Variants in PTPRD observed in about 807,000 individuals in gnomAD.
PTPRD encodes receptor-type tyrosine-protein phosphatase delta.
Under a neutral mutation model 214.5 loss-of-function variants are expected in PTPRD, and 34 were observed. The observed-to-expected ratio is 0.16, with a 90% CI of 0.12 to 0.21. PTPRD has a LOEUF of 0.21. Among genes scored for constraint, PTPRD ranks in the 10% least tolerant of loss-of-function variants. PTPRD has a pLI of 1.00. For synonymous variants in PTPRD, 1,128 were observed against 845.7 expected, an observed-to-expected ratio of 1.33 and a Z score of -5.79; for missense variants, 2,545 against 2,398.7, an observed-to-expected ratio of 1.06 and a Z score of -1.27.
chr9:8,798,486 A>G (rs1203590389), intron 11 of PTPRD, among the ~76,000 whole-genome samples: 1 of 152,228 alleles, frequency 6.6e-6, no homozygotes. Flanking sequence ...TACTCACAGG[A>G]AAAAGATTAT....
At chr9:10,395,168 T>C (rs1287854733) in intron 2 of PTPRD, among the ~76,000 whole-genome samples, 3 of 151,602 alleles carry the variant, frequency 2.0e-5, no homozygotes, top group Admixed American at 6.6e-5. Context: ...TGTTAACACA[T>C]GTATACATGT....
chr9:9,462,465 T>A (rs1484680870), intron 8 of PTPRD, among the ~76,000 whole-genome samples: 2 of 152,198 alleles, frequency 1.3e-5, no homozygotes, highest in African/African-American at 4.8e-5. Context: ...ATGTTTAACA[T>A]ATTGAATATG....
At chr9:8,686,997 A>G (rs1354926778) in intron 12 of PTPRD, among the ~76,000 whole-genome samples, 1 of 152,236 alleles carries the variant, frequency 6.6e-6, no homozygotes, top group Non-Finnish European at 1.5e-5. Context: ...GAGCCTGTGT[A>G]ACATTGCTTT....
At chr9:9,790,256 A>C (rs1461963635) in intron 5 of PTPRD, among the ~76,000 whole-genome samples, 4 of 152,124 alleles carry the variant, frequency 2.6e-5, no homozygotes, top group Admixed American at 1.3e-4. Flanking sequence ...ATTTTTCTTA[A>C]ATGAGAAAAA....
chr9:8,465,543 C>T lies in PTPRD; in HGVS notation c.3637G>A (p.Gly1213Arg). The change falls in exon 32 of 46, where the codon GGA (glycine) becomes AGA (arginine). Residue 1213 changes from glycine to arginine, a missense_variant. By Grantham distance (125) the Gly-to-Arg change is moderately radical. Transcript: ENST00000381196. ...CTTTGGAGTTGCTTGTTTGTAAATC[C>T]ACCATAATGCTTGTCATCCCCCAGG... Reference protein sequence around the residue: ...FTLGDDKHYGGFTNKQLQSGQ... With the variant: ...FTLGDDKHYGRFTNKQLQSGQ... The T allele has an allele frequency of 6.2e-7, 1 of 1,612,534 alleles. No individual in the cohort carries two copies.
intron 8 of PTPRD, among the ~76,000 whole-genome samples, chr9:9,539,641 T>C (rs917516009): frequency 2.0e-5 from 3 of 151,846 alleles, no homozygotes; most frequent in African/African-American, 7.2e-5. Flanking sequence ...TTAAAAGTGA[T>C]GGATAAAATA....
chr9:9,646,272 A>C (rs1337851068), intron 7 of PTPRD, among the ~76,000 whole-genome samples: 4 of 151,326 alleles, frequency 2.6e-5, no homozygotes, highest in Non-Finnish European at 1.5e-5. Context: ...TTGTTAGTCT[A>C]TAGAATTGTA....
At chr9:9,822,702 G>A (rs764363067) in intron 5 of PTPRD, among the ~76,000 whole-genome samples, 12 of 151,586 alleles carry the variant, frequency 7.9e-5, no homozygotes, top group Middle Eastern at 3.4e-3. Flanking sequence ...CAACCTACAC[G>A]TACTACAGAT....
At chr9:8,845,953 T>A (rs2097686950) in intron 11 of PTPRD, among the ~76,000 whole-genome samples, 1 of 152,306 alleles carries the variant, frequency 6.6e-6, no homozygotes, top group Middle Eastern at 3.4e-3. Flanking sequence ...TGAGGCCCCT[T>A]AAAACGAAAA....
chr9:10,271,534 C>CTTTTTTT (rs1251429330), intron 3 of PTPRD, among the ~76,000 whole-genome samples: 1 of 86,570 alleles, frequency 1.2e-5, no homozygotes, highest in African/African-American at 3.1e-5. Flanking sequence ...TCAATTGTTT[C>CTTTTTTT]TTTTCTTTTC....
chr9:9,704,961 T>A, intron 7 of PTPRD, among the ~76,000 whole-genome samples: 1 of 152,226 alleles, frequency 6.6e-6, no homozygotes. Flanking sequence ...GTAAAATGAC[T>A]GTTTTAAGCC....
At chr9:9,319,487 T>C (rs542769420) in intron 9 of PTPRD, among the ~76,000 whole-genome samples, 2 of 152,314 alleles carry the variant, frequency 1.3e-5, no homozygotes, top group South Asian at 4.1e-4. Flanking sequence ...TGACACAGCA[T>C]TTGTTAGTTT....
chr9:8,974,884 G>A (rs13300674), intron 11 of PTPRD, among the ~76,000 whole-genome samples: 50,334 of 151,560 alleles, frequency 0.33, 9,515 homozygotes, highest in East Asian at 0.76. Context: ...ATCACCTGAA[G>A]TCAGGAGTTC....
At chr9:10,001,047 G>T (rs2096296903) in intron 4 of PTPRD, among the ~76,000 whole-genome samples, 1 of 152,070 alleles carries the variant, frequency 6.6e-6, no homozygotes, top group East Asian at 1.9e-4. Context: ...TGGGAACCCC[G>T]CTCCCTCTAT....
At chr9:9,299,274 A>C (rs559852645) in intron 9 of PTPRD, among the ~76,000 whole-genome samples, 2 of 151,914 alleles carry the variant, frequency 1.3e-5, no homozygotes, top group Admixed American at 6.6e-5. Flanking sequence ...GATTTACAGC[A>C]GTGGTTATCA....
At chr9:9,069,038 C>CACTT (rs1439202634) in intron 10 of PTPRD, among the ~76,000 whole-genome samples, 2 of 152,062 alleles carry the variant, frequency 1.3e-5, no homozygotes, top group Non-Finnish European at 2.9e-5. Context: ...AAAAAGCACC[C>CACTT]ACTTAAGAAA....
rs73432767 is a variant in PTPRD, at chr9:8,924,875, C to G, written c.-104+93822G>C. Among the ~76,000 whole-genome samples, 708 of 152,156 alleles carry G rather than the reference C, an allele frequency of 4.7e-3. 7 individuals are homozygous for G. Among genetic ancestry groups the G allele is most frequent in the African/African-American group, 0.013 (526 of 41,520 alleles). ...ACAGTGCTTAGAATTCATGAAATTT[C>G]AAAAAGCTGGGTAATCAGAATAAGC... On this transcript the variant is annotated intron_variant, in intron 11 of 45. Coordinates refer to ENST00000381196, the MANE Select transcript of PTPRD (RefSeq NM_002839.4).
At position 10,106,912 on chromosome 9, in the gene PTPRD, A is replaced by G. The variant is rs534304303; in HGVS notation, c.-544-73122T>C. On this transcript the variant is annotated intron_variant, in intron 3 of 45. Transcript: ENST00000381196. Reference sequence around the variant, plus strand: ...ACTGCCAAAGTTTGGAATTGATGCCATAAGGGGAAAAATTTTAGTAGGGAG... The same window carrying G: ...ACTGCCAAAGTTTGGAATTGATGCCGTAAGGGGAAAAATTTTAGTAGGGAG... Among the ~76,000 whole-genome samples, 15 of 152,038 alleles carry G rather than the reference A, an allele frequency of 9.9e-5. No individual in the cohort carries two copies. In the East Asian group the frequency reaches 1.7e-3, roughly 18 times the overall value.
chr9:10,112,146 G>A (rs1247757063), intron 3 of PTPRD, among the ~76,000 whole-genome samples: 1 of 152,268 alleles, frequency 6.6e-6, no homozygotes, highest in Admixed American at 6.5e-5. Context: ...TGTGTTTCTG[G>A]AATTGACAAG....
Sources: gnomAD v4.1 joint callset for allele counts (sites outside exome capture counted in the v4.1 genomes callset) on GRCh38, gnomAD v4.1.1 for gene constraint, MANE v1.5 for transcripts, NCBI Gene and HGNC (gene_info 2026-07-23, HGNC 2026-07-21) for gene names.